PDE3B: variants seen among roughly 807,000 people sequenced by gnomAD.
PDE3B encodes cGMP-inhibited 3',5'-cyclic phosphodiesterase 3B.
A neutral mutation model predicts 116.8 loss-of-function variants in PDE3B; 66 were observed. That is an observed-to-expected ratio of 0.56 (90% CI 0.46 to 0.69). The LOEUF (loss-of-function observed/expected upper bound fraction) is 0.69, where lower values mean the gene tolerates loss of function less well. Among genes scored for constraint, PDE3B ranks in the 30% least tolerant of loss-of-function variants. The probability of loss-of-function intolerance (pLI) is 0.00; values close to 1 mark genes in which losing one functional copy is unlikely to be tolerated. For synonymous variants in PDE3B, 595 were observed against 533.6 expected, an observed-to-expected ratio of 1.12 and a Z score of -1.59; for missense variants, 1,384 against 1,368.1, an observed-to-expected ratio of 1.01 and a Z score of -0.18.
chr11:14,766,532 C>T (rs1857502993), intron 1 of PDE3B, among the ~76,000 whole-genome samples: 1 of 151,594 alleles, frequency 6.6e-6, no homozygotes, highest in Admixed American at 6.6e-5. Context: ...TTTATTTGCT[C>T]AGTTTTTCCA....
At chr11:14,766,898 C>T (rs1343240019) in intron 1 of PDE3B, among the ~76,000 whole-genome samples, 1 of 151,648 alleles carries the variant, frequency 6.6e-6, no homozygotes, top group African/African-American at 2.4e-5. Flanking sequence ...GTCTGCTATT[C>T]TTCCTCAAGT....
At chr11:14,678,319 T>C (rs960763801) in intron 1 of PDE3B, among the ~76,000 whole-genome samples, 4 of 152,202 alleles carry the variant, frequency 2.6e-5, no homozygotes, top group African/African-American at 9.6e-5. Flanking sequence ...TACAAGTTTT[T>C]GTGTGAACAT....
At chr11:14,645,949 G>A (rs1853392989) in intron 1 of PDE3B, among the ~76,000 whole-genome samples, 1 of 152,158 alleles carries the variant, frequency 6.6e-6, no homozygotes. Context: ...CACAAGAACG[G>A]TGTTTGGCTG....
At chr11:14,695,556 A>T (rs1286390081) in intron 1 of PDE3B, among the ~76,000 whole-genome samples, 1 of 151,818 alleles carries the variant, frequency 6.6e-6, no homozygotes, top group Non-Finnish European at 1.5e-5. Context: ...CATGTTCAGG[A>T]TGTGCAGGTT....
At chr11:14,712,594 C>T (rs1368310313) in intron 1 of PDE3B, among the ~76,000 whole-genome samples, 1 of 150,626 alleles carries the variant, frequency 6.6e-6, no homozygotes, top group Non-Finnish European at 1.5e-5. Flanking sequence ...CCTGCCTCAG[C>T]CTCCCGAGTA....
intron 5 of PDE3B, among the ~76,000 whole-genome samples, chr11:14,805,766 G>T (rs190273506): frequency 2.6e-5 from 4 of 152,288 alleles, no homozygotes; most frequent in Admixed American, 6.5e-5. Context: ...CAAACCAAAA[G>T]CACTGGTAAG....
At chr11:14,752,456 C>T (rs1351457962) in intron 1 of PDE3B, among the ~76,000 whole-genome samples, 1 of 152,096 alleles carries the variant, frequency 6.6e-6, no homozygotes, top group Non-Finnish European at 1.5e-5. Flanking sequence ...TTTGTTGTCT[C>T]TTGAACTTTG....
At chr11:14,663,534 G>A (rs1679195028) in intron 1 of PDE3B, among the ~76,000 whole-genome samples, 1 of 151,998 alleles carries the variant, frequency 6.6e-6, no homozygotes, top group African/African-American at 2.4e-5. Context: ...TGTCTCACGT[G>A]CAGAGACACA....
At chr11:14,779,856 TA>T (rs1017009172) in intron 2 of PDE3B, among the ~76,000 whole-genome samples, 1 of 152,034 alleles carries the variant, frequency 6.6e-6, no homozygotes, top group South Asian at 2.1e-4. Context: ...ATGCTCCAAT[TA>T]AAAGACACAG....
intron 1 of PDE3B, among the ~76,000 whole-genome samples, chr11:14,662,438 A>G (rs1158323705): frequency 1.3e-5 from 2 of 152,216 alleles, no homozygotes; most frequent in Admixed American, 6.5e-5. Flanking sequence ...CTCACTAGCA[A>G]TGGAACAAAG....
chr11:14,847,963 A>C (rs1195993854), intron 12 of PDE3B, among the ~76,000 whole-genome samples: 1 of 152,220 alleles, frequency 6.6e-6, no homozygotes, highest in Non-Finnish European at 1.5e-5. Flanking sequence ...ATAGAAAAAG[A>C]GGGATTCCTC....
At chr11:14,809,618 A>C (rs767023538) in intron 5 of PDE3B, among the ~76,000 whole-genome samples, 1 of 152,190 alleles carries the variant, frequency 6.6e-6, no homozygotes, top group Non-Finnish European at 1.5e-5. Flanking sequence ...CTAATCCCCA[A>C]TGAGACAGTA....
chr11:14,831,958 T>C (rs1360613700), intron 9 of PDE3B, among the ~76,000 whole-genome samples, 181 bp downstream of exon 9: 1 of 152,084 alleles, frequency 6.6e-6, no homozygotes, highest in Non-Finnish European at 1.5e-5. Context: ...GATCATACTA[T>C]TATATATATG....
At position 14,665,819 on chromosome 11, in the gene PDE3B, G is replaced by T. The variant is rs200279943; in HGVS notation, c.978+20766G>T. Among the ~76,000 whole-genome samples the T allele has an allele frequency of 4.0e-5, 6 of 151,244 alleles. No homozygotes were observed. In the East Asian group the frequency reaches 1.2e-3, roughly 30 times the overall value. ...AATGGAAGAACATTCCATGCTCATG[G>T]GTAGGAAGAATCAATATCGTGAAAA... is the stretch of plus-strand genomic sequence containing the variant. On this transcript the variant is annotated intron_variant, in intron 1 of 15. Transcript: ENST00000282096.
In PDE3B at chr11:14,786,566, A is replaced by G; in HGVS notation, c.1159A>G (p.Met387Val). Residue 387 changes from methionine (M) to valine (V), a missense_variant, in exon 3 of 16, where the codon ATG becomes GTG. Transcript: ENST00000282096. ...CTCTCTACGGAGTATTAGTAGCTTA[A>G]TGGGTGCTTTCTCAGGTTCCTGTAG... ...ISSLRSISSLMGAFSGSCRPK... is the reference protein window; with the variant it reads ...ISSLRSISSLVGAFSGSCRPK... 1 of 1,613,346 alleles carries G rather than the reference A, an allele frequency of 6.2e-7. No individual in the cohort carries two copies. Among genetic ancestry groups the G allele is most frequent in the African/African-American group, 1.3e-5 (1 of 74,958 alleles).
At chr11:14,652,217 G>A (rs1188220154) in intron 1 of PDE3B, among the ~76,000 whole-genome samples, 1 of 152,020 alleles carries the variant, frequency 6.6e-6, no homozygotes, top group East Asian at 1.9e-4. Context: ...ATTTTTCTAA[G>A]ACCATTTGTT....
At chr11:14,737,278 C>T (rs931761754) in intron 1 of PDE3B, among the ~76,000 whole-genome samples, 5 of 151,386 alleles carry the variant, frequency 3.3e-5, no homozygotes, top group Middle Eastern at 3.4e-3. Context: ...ACTGCAATCT[C>T]GGCCTCCCGG....
intron 1 of PDE3B, among the ~76,000 whole-genome samples, chr11:14,767,312 A>G (rs967163182): frequency 6.6e-6 from 1 of 151,572 alleles, no homozygotes; most frequent in Admixed American, 6.6e-5. Context: ...CCAGTCAGAA[A>G]GAAATCCAGC....
At position 14,789,138 on chromosome 11, in the gene PDE3B, G is replaced by C; in HGVS notation, c.1311G>C (p.Gln437His). 6.2e-7 allele frequency: 1 copy of C among 1,611,286 alleles called. No individual in the cohort carries two copies. The highest frequency in any genetic ancestry group is 8.5e-7 in the Non-Finnish European group (1 of 1,178,112). Residue 437 changes from glutamine to histidine, a missense_variant, in exon 4 of 16, where the codon CAG becomes CAC. Gln to His is a conservative substitution (Grantham distance 24). Around this residue, in one of 2 missense-constraint regions of PDE3B, gnomAD observed 956 missense variants for 806.8 expected, o/e 1.18. Coordinates refer to ENST00000282096, the MANE Select transcript of PDE3B (RefSeq NM_000922.4). ...ATAGGAATAGTTTGCCAACTCCACA[G>C]CTGAGGAGAAGCTCAGGAACTTCAG... ...GLNRNSLPTP[Q>H]LRRSSGTSGL...
Sources: gnomAD v4.1 joint callset for allele counts (sites outside exome capture counted in the v4.1 genomes callset) on GRCh38, gnomAD v4.1.1 for gene constraint, gnomAD v4.1.1 regional missense constraint, MANE v1.5 for transcripts, NCBI Gene and HGNC (gene_info 2026-07-23, HGNC 2026-07-21) for gene names.